Variants in DOCK3 observed in about 807,000 individuals in gnomAD.
The protein encoded by DOCK3 is dedicator of cytokinesis 3.
A neutral mutation model predicts 265.6 loss-of-function variants in DOCK3; 60 were observed. That is an observed-to-expected ratio of 0.23 (90% CI 0.18 to 0.28). The LOEUF (loss-of-function observed/expected upper bound fraction) is 0.28, where lower values mean the gene tolerates loss of function less well. DOCK3 is among the 10% of genes least tolerant of loss of function. The pLI, the probability that DOCK3 is intolerant of heterozygous loss-of-function variation, is 1.00. For synonymous variants in DOCK3, 881 were observed against 938.0 expected (o/e 0.94, Z 1.11); for missense variants, 1,981 against 2,594.3 (o/e 0.76, Z 5.14).
chr3:50,688,518 A>T (rs1004410010), intron 1 of DOCK3, among the ~76,000 whole-genome samples: 1 of 152,186 alleles, frequency 6.6e-6, no homozygotes, highest in African/African-American at 2.4e-5. Flanking sequence ...GCTGGCGTGC[A>T]GTGGTGCAAT....
intron 5 of DOCK3, among the ~76,000 whole-genome samples, chr3:50,978,437 G>C (rs2077555189): frequency 4.6e-5 from 7 of 152,150 alleles, no homozygotes; most frequent in Admixed American, 3.3e-4. Context: ...CTGGGGGGGT[G>C]CCTCCCAGTT....
chr3:50,900,692 AT>A, intron 4 of DOCK3: 1 of 451,470 alleles, frequency 2.2e-6, no homozygotes, highest in Non-Finnish European at 4.4e-6. Context: ...TGTTGATCTT[AT>A]TCCTTTCTGT....
At chr3:50,741,688 G>C (rs1415309963) in intron 1 of DOCK3, among the ~76,000 whole-genome samples, 1 of 150,602 alleles carries the variant, frequency 6.6e-6, no homozygotes, top group South Asian at 2.1e-4. Flanking sequence ...TGGACATTTG[G>C]GTTGGTTCCA....
In DOCK3 at chr3:51,382,741, A is replaced by C. The variant is rs968065867; in HGVS notation, c.*1182A>C. The C allele has an allele frequency of 6.6e-6, 1 of 152,192 alleles. No homozygotes were observed. The highest frequency in any genetic ancestry group is 1.5e-5 in the Non-Finnish European group (1 of 68,004). The allele number at this position is 152,192 out of a possible 1,614,324, so 9.4% of individuals were successfully genotyped here. The stretch of plus-strand genomic sequence containing the variant: ...CCCACTCCAGGCCATGGGGACCACC[A>C]CTCAGGGTTCGGGGCTGGCAGGAGG... On this transcript the variant is annotated 3_prime_UTR_variant, in exon 53 of 53. Transcript: ENST00000266037.
At chr3:51,223,664 G>A (rs2090198415) in intron 14 of DOCK3, among the ~76,000 whole-genome samples, 1 of 152,088 alleles carries the variant, frequency 6.6e-6, no homozygotes, top group African/African-American at 2.4e-5. Context: ...ACTTTTATAA[G>A]AAGCCTGTTT....
At chr3:51,306,562 G>A (rs2082702899) in intron 27 of DOCK3, among the ~76,000 whole-genome samples, 1 of 152,090 alleles carries the variant, frequency 6.6e-6, no homozygotes, top group South Asian at 2.1e-4. Context: ...ATGCCCCACA[G>A]GTATCTGAGG....
chr3:50,735,319 A>G (rs2038519312), intron 1 of DOCK3, among the ~76,000 whole-genome samples: 2 of 152,008 alleles, frequency 1.3e-5, no homozygotes, highest in African/African-American at 2.4e-5. Context: ...TTAGGGCTTC[A>G]TGGATCTGGA....
chr3:51,092,466 C>A (rs867957896), intron 9 of DOCK3, among the ~76,000 whole-genome samples: 8 of 152,168 alleles, frequency 5.3e-5, no homozygotes, highest in Non-Finnish European at 1.2e-4. Context: ...TGCCAGATTT[C>A]TCCTCTCTGG....
At chr3:51,271,236 A>T (rs1451403021) in intron 24 of DOCK3, among the ~76,000 whole-genome samples, 1 of 152,232 alleles carries the variant, frequency 6.6e-6, no homozygotes, top group Non-Finnish European at 1.5e-5. Context: ...ACATAGGGGC[A>T]TGTCACTGGG....
intron 2 of DOCK3, among the ~76,000 whole-genome samples, chr3:50,806,852 A>G (rs1030901035): frequency 6.6e-6 from 1 of 152,084 alleles, no homozygotes; most frequent in Non-Finnish European, 1.5e-5. Flanking sequence ...GGGTTAGCAC[A>G]CGTTGTGTTC....
chr3:50,939,780 TAGAC>T (rs1460840851), intron 5 of DOCK3, among the ~76,000 whole-genome samples: 16 of 152,284 alleles, frequency 1.1e-4, no homozygotes, highest in African/African-American at 3.8e-4. Context: ...GTAATGATGA[TAGAC>T]AGTCTGCTTT....
chr3:51,194,811 A>G (rs1056429619), intron 12 of DOCK3, among the ~76,000 whole-genome samples: 14 of 150,880 alleles, frequency 9.3e-5, no homozygotes, highest in Non-Finnish European at 7.4e-5. Context: ...CTTTACTGCT[A>G]AGGTGAATAT....
At chr3:50,890,641 TAAG>T (rs1468597813) in intron 4 of DOCK3, among the ~76,000 whole-genome samples, 4 of 152,138 alleles carry the variant, frequency 2.6e-5, no homozygotes, top group African/African-American at 9.7e-5. Flanking sequence ...TGTTTAATAA[TAAG>T]TATTATAGTT....
At chr3:51,103,648 C>G (rs1407613356) in intron 9 of DOCK3, among the ~76,000 whole-genome samples, 1 of 152,210 alleles carries the variant, frequency 6.6e-6, no homozygotes, top group African/African-American at 2.4e-5. Context: ...GTGCCAGGTC[C>G]TATTCTAAGT....
intron 12 of DOCK3, among the ~76,000 whole-genome samples, chr3:51,163,153 A>G (rs549348512): frequency 9.8e-5 from 15 of 152,360 alleles, no homozygotes; most frequent in African/African-American, 3.4e-4. Flanking sequence ...ACTAATTGCT[A>G]TTGATAGTTC....
At chr3:51,266,805 T>A (rs9856867) in intron 23 of DOCK3, among the ~76,000 whole-genome samples, 138,647 of 152,042 alleles carry the variant, frequency 0.91, 63,360 homozygotes, top group African/African-American at 0.96. Flanking sequence ...AGCAGTGGCA[T>A]CAAAAGCCAA....
intron 1 of DOCK3, among the ~76,000 whole-genome samples, chr3:50,701,186 C>T (rs1331340794): frequency 2.0e-5 from 3 of 148,372 alleles, no homozygotes; most frequent in South Asian, 2.1e-4. Context: ...GCTGGAGTGC[C>T]GTGGCAGGAT....
At chr3:50,736,416 A>G (rs1301069713) in intron 1 of DOCK3, among the ~76,000 whole-genome samples, 1 of 152,230 alleles carries the variant, frequency 6.6e-6, no homozygotes, top group East Asian at 1.9e-4. Flanking sequence ...GCATATACCC[A>G]GTAATGGGAT....
chr3:50,815,863 C>A (rs2106832776), intron 2 of DOCK3, among the ~76,000 whole-genome samples: 1 of 152,224 alleles, frequency 6.6e-6, no homozygotes, highest in Admixed American at 6.5e-5. Context: ...TCCAACTAGG[C>A]AGTAGCAGAA....
Sources: gnomAD v4.1 joint callset for allele counts (sites outside exome capture counted in the v4.1 genomes callset) on GRCh38, gnomAD v4.1.1 for gene constraint, MANE v1.5 for transcripts, NCBI Gene and HGNC (gene_info 2026-07-23, HGNC 2026-07-21) for gene names.